The following SH3KBP1 variants were observed in gnomAD, a reference collection of about 807,000 sequenced individuals.
The protein encoded by SH3KBP1 is SH3 domain-containing kinase-binding protein 1.
Under a neutral mutation model 50.1 loss-of-function variants are expected in SH3KBP1, and 8 were observed. The ratio of observed to expected loss-of-function variants is 0.16; its 90% CI spans 0.09 to 0.29. The LOEUF (loss-of-function observed/expected upper bound fraction) is 0.29. Among genes scored for constraint, SH3KBP1 ranks in the 10% least tolerant of loss-of-function variants. The pLI, the probability that SH3KBP1 is intolerant of heterozygous loss-of-function variation, is 1.00. For synonymous variants in SH3KBP1, 227 were observed against 218.6 expected (o/e 1.04, Z -0.34); for missense variants, 377 against 535.2 (o/e 0.70, Z 2.92).
chrX:19,607,909 C>T (rs767442803), intron 9 of SH3KBP1, 29 bp downstream of exon 9: 2 of 1,158,536 alleles, frequency 1.7e-6, no homozygotes, highest in East Asian at 3.0e-5. Flanking sequence ...AGCCACAACT[C>T]CGCTGAAATC....
chrX:19,731,754 T>TCAA (rs1379045202), intron 3 of SH3KBP1, among the ~76,000 whole-genome samples: 1 of 112,163 alleles, frequency 8.9e-6, no homozygotes, highest in African/African-American at 3.2e-5. Context: ...TATACTTCAT[T>TCAA]CAACAATTAA....
chrX:19,816,074 C>G (rs942698004), intron 2 of SH3KBP1, among the ~76,000 whole-genome samples: 3 of 112,204 alleles, frequency 2.7e-5, no homozygotes, highest in African/African-American at 9.7e-5. Context: ...AACAAACTGC[C>G]AAACTATTTT....
At chrX:19,730,478 T>C (rs1441317397) in intron 3 of SH3KBP1, among the ~76,000 whole-genome samples, 1 of 110,679 alleles carries the variant, frequency 9.0e-6, no homozygotes, top group Non-Finnish European at 1.9e-5. Context: ...AAAGAATCCA[T>C]CCAAGTGGGC....
At chrX:19,596,119 A>G (rs1041826951) in intron 9 of SH3KBP1, among the ~76,000 whole-genome samples, 7 of 111,018 alleles carry the variant, frequency 6.3e-5, no homozygotes, top group Non-Finnish European at 1.3e-4. Flanking sequence ...CTGGGGACAG[A>G]TGTGTGTTTA....
intron 1 of SH3KBP1, among the ~76,000 whole-genome samples, chrX:19,838,976 T>A (rs2068145104): frequency 9.2e-6 from 1 of 108,118 alleles, no homozygotes; most frequent in East Asian, 2.9e-4. Flanking sequence ...TGCTGGGAGC[T>A]CTTTGCCCAC....
Position 19,666,341 on chromosome X carries a change from T to TTGG in SH3KBP1, c.726+17481_726+17482insCCA, listed in dbSNP as rs1325031863. Among the ~76,000 whole-genome samples, 4 of 111,360 alleles carry TTGG rather than the reference T, an allele frequency of 3.6e-5. No homozygotes were observed. In the East Asian group the frequency reaches 1.1e-3, roughly 31 times the overall value. On this transcript the variant is annotated intron_variant, in intron 6 of 17. Transcript: ENST00000397821. The stretch of plus-strand genomic sequence containing the variant: ...ATCTACTCTCCAACAAACCTTTGAC[T>TTGG]ATAGATTCAGGTAAGCGGATGGGGC...
intron 6 of SH3KBP1, among the ~76,000 whole-genome samples, chrX:19,661,626 T>G (rs1457735880): frequency 1.9e-5 from 2 of 106,039 alleles, no homozygotes; most frequent in Non-Finnish European, 3.9e-5. Context: ...AAATAAAGGT[T>G]GTTTTTTTTT....
At chrX:19,617,134 G>A (rs2067641470) in intron 8 of SH3KBP1, among the ~76,000 whole-genome samples, 1 of 112,253 alleles carries the variant, frequency 8.9e-6, no homozygotes, top group African/African-American at 3.2e-5. Flanking sequence ...CTCTTTGTTT[G>A]GGCTCCACTG....
At chrX:19,584,205 T>C (rs1416533073) in intron 12 of SH3KBP1, among the ~76,000 whole-genome samples, 1 of 94,345 alleles carries the variant, frequency 1.1e-5, no homozygotes, top group Admixed American at 1.3e-4. Flanking sequence ...TAAATATATG[T>C]CAATATATAT....
chrX:19,550,922 T>C (rs1037122563), intron 13 of SH3KBP1, among the ~76,000 whole-genome samples: 1 of 111,285 alleles, frequency 9.0e-6, no homozygotes, highest in Non-Finnish European at 1.9e-5. Context: ...AGATATTCTT[T>C]ATTTGCAGCT....
intron 2 of SH3KBP1, among the ~76,000 whole-genome samples, chrX:19,782,137 G>C (rs1017530515): frequency 1.8e-5 from 2 of 111,383 alleles, no homozygotes; most frequent in African/African-American, 6.5e-5. Context: ...TATCCTGGGG[G>C]TCCCTAAATC....
intron 6 of SH3KBP1, among the ~76,000 whole-genome samples, chrX:19,678,018 A>G (rs1240738095): frequency 8.9e-6 from 1 of 111,745 alleles, no homozygotes; most frequent in Non-Finnish European, 1.9e-5. Flanking sequence ...CTCAAGGGGC[A>G]GGTCTTTCTA....
chrX:19,786,216 T>G (rs1219391916), intron 2 of SH3KBP1, among the ~76,000 whole-genome samples: 2 of 111,473 alleles, frequency 1.8e-5, no homozygotes, highest in Non-Finnish European at 3.8e-5. Context: ...ATGGTGGGAC[T>G]CAGGAGGTCA....
At position 19,860,816 on chromosome X, in the gene SH3KBP1, C is replaced by CA. The variant is rs749002548; in HGVS notation, c.5-24535dup. On this transcript the variant is annotated intron_variant, in intron 1 of 17. Transcript: ENST00000397821. ...TCTGAAGAGGAACCTAGAACAACCA[C>CA]AAAAAAAGGACCTTAGTGGAAACCC... Among the ~76,000 whole-genome samples, 70 of 110,680 alleles carry CA rather than the reference C, an allele frequency of 6.3e-4. No homozygotes were observed. The Middle Eastern group carries it at 0.014, about 22-fold the overall frequency.
chrX:19,750,256 C>T (rs1398078291), intron 2 of SH3KBP1, among the ~76,000 whole-genome samples: 4 of 111,744 alleles, frequency 3.6e-5, no homozygotes, highest in Admixed American at 1.9e-4. Flanking sequence ...GGCAGAGTTT[C>T]GCCATGTTGG....
chrX:19,757,777 T>C (rs1391363956), intron 2 of SH3KBP1, among the ~76,000 whole-genome samples: 1 of 111,125 alleles, frequency 9.0e-6, no homozygotes, highest in Non-Finnish European at 1.9e-5. Context: ...CTAAAATGAT[T>C]GAGACTTGTC....
At chrX:19,722,567 C>CG (rs1236214825) in intron 3 of SH3KBP1, among the ~76,000 whole-genome samples, 1 of 85,072 alleles carries the variant, frequency 1.2e-5, no homozygotes, top group East Asian at 3.7e-4. Flanking sequence ...CGCGTGCGCA[C>CG]TGGTGTGTGT....
At chrX:19,769,190 T>C (rs2065710786) in intron 2 of SH3KBP1, among the ~76,000 whole-genome samples, 1 of 106,501 alleles carries the variant, frequency 9.4e-6, no homozygotes, top group Non-Finnish European at 1.9e-5. Flanking sequence ...GCTCAAGCAG[T>C]CCTCCCATCT....
chrX:19,845,035 C>T (rs1158092053), intron 1 of SH3KBP1, among the ~76,000 whole-genome samples: 2 of 111,022 alleles, frequency 1.8e-5, no homozygotes, highest in African/African-American at 6.6e-5. Context: ...GCCAAGACGG[C>T]ACCACTGCAC....
Sources: allele counts gnomAD v4.1 joint callset (sites outside exome capture counted in the v4.1 genomes callset), GRCh38; gene constraint gnomAD v4.1.1; transcripts MANE v1.5; gene names NCBI Gene and HGNC (gene_info 2026-07-23, HGNC 2026-07-21).